The following PKN2 variants were observed in gnomAD, a reference collection of about 807,000 sequenced individuals.
PKN2 encodes serine/threonine-protein kinase N2.
A neutral mutation model predicts 119.1 loss-of-function variants in PKN2; 38 were observed. The ratio of observed to expected loss-of-function variants is 0.32; its 90% CI spans 0.25 to 0.42. The LOEUF (loss-of-function observed/expected upper bound fraction) is 0.42. Among genes scored for constraint, PKN2 ranks in the 10% least tolerant of loss-of-function variants. The probability of loss-of-function intolerance (pLI) is 1.00; values close to 1 mark genes in which losing one functional copy is unlikely to be tolerated. For synonymous variants in PKN2, 390 were observed against 384.9 expected, an observed-to-expected ratio of 1.01 and a Z score of -0.15; for missense variants, 850 against 1,165.1, an observed-to-expected ratio of 0.73 and a Z score of 3.94.
chr1:88,726,017 T>C (rs946937427), intron 1 of PKN2, among the ~76,000 whole-genome samples: 2 of 152,234 alleles, frequency 1.3e-5, no homozygotes, highest in Non-Finnish European at 2.9e-5. Flanking sequence ...ATTGTTAGTA[T>C]ATAGAAGAAT....
At chr1:88,825,137 G>A (rs1401734761) in intron 18 of PKN2, among the ~76,000 whole-genome samples, 1 of 152,218 alleles carries the variant, frequency 6.6e-6, no homozygotes, top group African/African-American at 2.4e-5. Context: ...TTAATAAGTA[G>A]TTGGATGAAT....
intron 2 of PKN2, among the ~76,000 whole-genome samples, chr1:88,748,028 C>T (rs1298504724): frequency 6.6e-6 from 1 of 151,972 alleles, no homozygotes; most frequent in Non-Finnish European, 1.5e-5. Context: ...GGATTTGTTT[C>T]CTTGTCTTTA....
intron 8 of PKN2, among the ~76,000 whole-genome samples, chr1:88,790,233 ATCT>A (rs1479203940): frequency 6.6e-6 from 1 of 152,214 alleles, no homozygotes; most frequent in African/African-American, 2.4e-5. Flanking sequence ...GGATCACTCC[ATCT>A]TCTTGCTTTA....
intron 2 of PKN2, among the ~76,000 whole-genome samples, chr1:88,742,666 A>G (rs552839263): frequency 1.3e-5 from 2 of 152,248 alleles, no homozygotes; most frequent in South Asian, 4.1e-4. Context: ...GTAATATTAT[A>G]TAAACTTAGA....
chr1:88,744,603 G>T (rs1668699712), intron 2 of PKN2, among the ~76,000 whole-genome samples: 1 of 152,108 alleles, frequency 6.6e-6, no homozygotes, highest in South Asian at 2.1e-4. Flanking sequence ...TGTATTTTTA[G>T]TAGAGGCAGG....
chr1:88,801,278 A>G (rs1230391419), intron 8 of PKN2, among the ~76,000 whole-genome samples: 1 of 152,126 alleles, frequency 6.6e-6, no homozygotes, highest in Non-Finnish European at 1.5e-5. Flanking sequence ...TCAGCTACTC[A>G]GGAGGCTGAG....
In PKN2 at chr1:88,784,768, C is replaced by T. The variant is rs1670503108; in HGVS notation, c.1115C>T (p.Thr372Met). The T allele has an allele frequency of 3.1e-6, 5 of 1,611,542 alleles. No homozygotes were observed. Among genetic ancestry groups the T allele is most frequent in the Non-Finnish European group, 4.2e-6 (5 of 1,178,624 alleles). Residue 372 changes from threonine (T) to methionine (M), a missense_variant, in exon 7 of 22, where the codon ACG becomes ATG. Physicochemically the swap from Thr to Met is moderately conservative, Grantham distance 81. Coordinates refer to ENST00000370521, the MANE Select transcript of PKN2 (RefSeq NM_006256.4). ...SETRSSFMSRTSKSKSGSSRN... is the reference protein window; with the variant it reads ...SETRSSFMSRMSKSKSGSSRN... ...ACCAGATCATCTTTCATGAGCAGAA[C>T]GAGTAAAAGTAAAAGCGGAAGTAGT...
At chr1:88,792,318 G>T (rs1361340273) in intron 8 of PKN2, among the ~76,000 whole-genome samples, 2 of 152,100 alleles carry the variant, frequency 1.3e-5, no homozygotes, top group Non-Finnish European at 2.9e-5. Context: ...CAATAGAATC[G>T]CTTGAACCTG....
intron 1 of PKN2, among the ~76,000 whole-genome samples, chr1:88,717,573 C>T (rs1667505665): frequency 6.6e-6 from 1 of 151,722 alleles, no homozygotes; most frequent in Non-Finnish European, 1.5e-5. Context: ...CTTTCTTCTG[C>T]TTGATCGAAT....
intron 1 of PKN2, among the ~76,000 whole-genome samples, chr1:88,695,029 A>T (rs1206740481): frequency 6.6e-6 from 1 of 152,124 alleles, no homozygotes. Context: ...CTGGAGGCTG[A>T]GGCAGGAGAA....
At chr1:88,728,176 AT>A (rs1224452899) in intron 1 of PKN2, among the ~76,000 whole-genome samples, 2 of 152,030 alleles carry the variant, frequency 1.3e-5, no homozygotes, top group African/African-American at 2.4e-5. Flanking sequence ...TCTCTGCTGT[AT>A]TAAGTCCAGG....
Position 88,760,291 on chromosome 1 carries a change from C to A in PKN2, c.419C>A (p.Ala140Asp). Reference protein sequence around the residue: ...RCSTSNNRLKALQKQLDIELK... With the variant: ...RCSTSNNRLKDLQKQLDIELK... The stretch of plus-strand genomic sequence containing the variant: ...TCTACTAGCAACAATAGATTGAAGG[C>A]CTTACAAAAACAATTGGATATAGAA... Residue 140 changes from alanine to aspartate, a missense_variant, in exon 3 of 22, where the codon GCC becomes GAC. Coordinates refer to ENST00000370521, the MANE Select transcript of PKN2 (RefSeq NM_006256.4). 1 of 1,562,530 alleles carries A rather than the reference C, an allele frequency of 6.4e-7. No individual in the cohort carries two copies. Among genetic ancestry groups the A allele is most frequent in the Non-Finnish European group, 8.8e-7 (1 of 1,134,938 alleles).
At chr1:88,809,662 C>G (rs1005014599) in intron 15 of PKN2, among the ~76,000 whole-genome samples, 5 of 152,188 alleles carry the variant, frequency 3.3e-5, no homozygotes, top group Non-Finnish European at 7.3e-5. Flanking sequence ...CACTGTGTCA[C>G]CCACACTGGA....
At chr1:88,760,427 T>A in intron 3 of PKN2, 51 bp downstream of exon 3, 1 of 1,040,724 alleles carries the variant, frequency 9.6e-7, no homozygotes, top group Non-Finnish European at 1.4e-6. Context: ...ATTTGCAGAT[T>A]CCATAGTTAT....
chr1:88,804,594 C>A, intron 9 of PKN2, 60 bp downstream of exon 9: 1 of 1,479,278 alleles, frequency 6.8e-7, no homozygotes, highest in Non-Finnish European at 9.4e-7. Context: ...ATGTAGGCAG[C>A]ATAATATAGA....
chr1:88,742,926 C>T (rs190763097), intron 2 of PKN2, among the ~76,000 whole-genome samples: 36 of 152,282 alleles, frequency 2.4e-4, no homozygotes, highest in Non-Finnish European at 4.1e-4. Flanking sequence ...TGCAGTGGCT[C>T]GTGCCTATAA....
intron 8 of PKN2, among the ~76,000 whole-genome samples, chr1:88,793,787 G>A (rs1670942643): frequency 6.6e-6 from 1 of 152,086 alleles, no homozygotes; most frequent in Admixed American, 6.6e-5. Context: ...CCAGTGCAAT[G>A]TAAATGCTAT....
intron 1 of PKN2, among the ~76,000 whole-genome samples, chr1:88,724,292 C>T (rs1299270937): frequency 6.6e-6 from 1 of 152,112 alleles, no homozygotes. Context: ...AGTTTATATT[C>T]ATTAGTTCCA....
intron 1 of PKN2, among the ~76,000 whole-genome samples, chr1:88,708,898 A>C (rs193103653): frequency 3.3e-5 from 5 of 151,946 alleles, no homozygotes. Context: ...TTATTTCTGT[A>C]TCTAATGGCC....
Sources: allele counts gnomAD v4.1 joint callset (sites outside exome capture counted in the v4.1 genomes callset), GRCh38; gene constraint gnomAD v4.1.1; transcripts MANE v1.5; gene names NCBI Gene and HGNC (gene_info 2026-07-23, HGNC 2026-07-21).